The following PDS5B variants were observed in gnomAD, a reference collection of about 807,000 sequenced individuals.
The protein encoded by PDS5B is PDS5 cohesin associated factor B.
PDS5B carries 51 observed loss-of-function variants against 184.1 expected under a neutral mutation model. The ratio of observed to expected loss-of-function variants is 0.28; its 90% confidence interval spans 0.22 to 0.35. PDS5B has a LOEUF of 0.35. PDS5B is among the 10% of genes least tolerant of loss of function. PDS5B has a pLI of 1.00. For synonymous variants in PDS5B, 566 were observed against 569.2 expected (o/e 0.99, Z 0.08); for missense variants, 1,180 against 1,723.3 (o/e 0.68, Z 5.58).
At chr13:32,680,018 T>C (rs970526540) in intron 10 of PDS5B, among the ~76,000 whole-genome samples, 18 of 152,078 alleles carry the variant, frequency 1.2e-4, no homozygotes, top group Admixed American at 4.6e-4. Context: ...TCTCTGAGAG[T>C]GTCAATGGTA....
Position 32,775,223 on chromosome 13 carries a change from G to C in PDS5B, c.*171G>C. On this transcript the variant is annotated 3_prime_UTR_variant, in exon 35 of 35. Transcript: ENST00000315596. ...CATACATTTGTGGTCACATGCTTTA[G>C]CCATACACATGGTAACATTGACTAT... 1.6e-6 allele frequency: 1 copy of C among 608,296 alleles called. No individual in the cohort carries two copies. Among genetic ancestry groups the C allele is most frequent in the South Asian group, 2.1e-5 (1 of 48,288 alleles). The allele number at this position is 608,296 out of a possible 1,614,324, so 37.7% of individuals were successfully genotyped here.
chr13:32,699,653 G>A (rs1459154561), intron 15 of PDS5B, 77 bp from the exon 16 acceptor site: 2 of 775,566 alleles, frequency 2.6e-6, no homozygotes, highest in African/African-American at 3.7e-5. Flanking sequence ...GCAATAAAAG[G>A]AATGAAAAAT....
At position 32,770,315 on chromosome 13, in the gene PDS5B, T is replaced by C; in HGVS notation, c.3819T>C (p.Asp1273=). The C allele has an allele frequency of 3.7e-6, 6 of 1,613,306 alleles. No individual in the cohort carries two copies. Among genetic ancestry groups the C allele is most frequent in the Non-Finnish European group, 5.1e-6 (6 of 1,179,884 alleles). ...CTGAGGAAAAGAGGCTCAAAGAAGA[T>C]ATATTAGAAAATGAAGATGAACAGA... ...QWPEEKRLKE[D]ILENEDEQNS... Residue 1273 remains aspartate, a synonymous_variant, in exon 32 of 35, where the codon GAT becomes GAC. Coordinates refer to ENST00000315596, the MANE Select transcript of PDS5B (RefSeq NM_015032.4).
chr13:32,594,220 T>A (rs1240175178), intron 1 of PDS5B, among the ~76,000 whole-genome samples: 1 of 152,216 alleles, frequency 6.6e-6, no homozygotes, highest in Non-Finnish European at 1.5e-5. Context: ...ATGCTTAGGT[T>A]GGTGCCAAAA....
chr13:32,670,016 A>G (rs1950892465), intron 7 of PDS5B, among the ~76,000 whole-genome samples: 1 of 152,140 alleles, frequency 6.6e-6, no homozygotes, highest in Admixed American at 6.6e-5. Flanking sequence ...AACAGCTATT[A>G]TTTACTCATC....
intron 13 of PDS5B, among the ~76,000 whole-genome samples, chr13:32,692,741 T>C (rs540273534): frequency 6.6e-6 from 1 of 152,180 alleles, no homozygotes; most frequent in East Asian, 1.9e-4. Context: ...AATACTGCTT[T>C]TCCTAGTATA....
intron 1 of PDS5B, among the ~76,000 whole-genome samples, chr13:32,647,270 A>C (rs978585959): frequency 9.2e-5 from 14 of 151,884 alleles, no homozygotes; most frequent in Non-Finnish European, 1.6e-4. Flanking sequence ...ACTCCGGATA[A>C]TTTCTTATGA....
chr13:32,631,563 T>G (rs1384881340), intron 1 of PDS5B, among the ~76,000 whole-genome samples: 1 of 152,202 alleles, frequency 6.6e-6, no homozygotes, highest in East Asian at 1.9e-4. Flanking sequence ...TCAATAAATA[T>G]TTGTTGTTGA....
chr13:32,644,668 T>G (rs1227068147), intron 1 of PDS5B, among the ~76,000 whole-genome samples: 1 of 152,198 alleles, frequency 6.6e-6, no homozygotes, highest in East Asian at 1.9e-4. Flanking sequence ...TTATTTATGC[T>G]GTAGGGTGTT....
At chr13:32,774,411 A>G (rs1189704884) in intron 34 of PDS5B, among the ~76,000 whole-genome samples, 1 of 152,216 alleles carries the variant, frequency 6.6e-6, no homozygotes, top group Non-Finnish European at 1.5e-5. Context: ...GAGGACATCA[A>G]AGTAAGTCTG....
chr13:32,671,279 G>A (rs188389780), intron 7 of PDS5B, among the ~76,000 whole-genome samples: 13 of 152,060 alleles, frequency 8.5e-5, no homozygotes, highest in Non-Finnish European at 5.9e-5. Context: ...GTTTTTTTAT[G>A]GAATTTGTGA....
At position 32,764,593 on chromosome 13, in the gene PDS5B, G is replaced by C; in HGVS notation, c.3623G>C (p.Arg1208Thr). 2 of 1,535,360 alleles carry C rather than the reference G, an allele frequency of 1.3e-6. No homozygotes were observed. The highest frequency in any genetic ancestry group is 1.8e-6 in the Non-Finnish European group (2 of 1,120,728). The stretch of plus-strand genomic sequence containing the variant: ...AAGAGAGACGACTCTGATCTTGTAA[G>C]GGTGAGATATTTGCATTGATTTTAT... ...SDKRDDSDLV[R>T]SELEKPRGRK... Residue 1208 changes from arginine to threonine, a missense_variant and splice_region_variant, in exon 31 of 35, where the codon AGG (arginine) becomes ACG (threonine). Transcript: ENST00000315596.
chr13:32,600,699 A>G (rs1455983678), intron 1 of PDS5B, among the ~76,000 whole-genome samples: 1 of 152,230 alleles, frequency 6.6e-6, no homozygotes, highest in Non-Finnish European at 1.5e-5. Flanking sequence ...AGATCGTGCC[A>G]CTGCACTCCA....
At chr13:32,648,677 G>C (rs1950286864) in intron 1 of PDS5B, 77 bp from the exon 2 acceptor site, 1 of 647,104 alleles carries the variant, frequency 1.5e-6, no homozygotes, top group Admixed American at 2.6e-5. Context: ...TGGTTGGTGG[G>C]GAAGGTTACC....
intron 25 of PDS5B, 23 bp downstream of exon 25, chr13:32,753,559 A>G (rs1190488105): frequency 1.9e-6 from 3 of 1,541,168 alleles, no homozygotes; most frequent in Non-Finnish European, 2.7e-6. Context: ...GAAAATGGAA[A>G]GGATACTTTT....
intron 18 of PDS5B, 96 bp from the exon 19 acceptor site, chr13:32,709,850 G>A: frequency 1.4e-6 from 1 of 700,472 alleles, no homozygotes. Flanking sequence ...TTTTTTAATA[G>A]ACTTTGATTT....
chr13:32,691,745 A>G (rs566904934), intron 13 of PDS5B, among the ~76,000 whole-genome samples: 81 of 152,234 alleles, frequency 5.3e-4, no homozygotes, highest in African/African-American at 1.3e-3. Flanking sequence ...TGGAGTTTCT[A>G]TGTGCCTTTT....
chr13:32,676,216 T>C (rs764607850), intron 9 of PDS5B, among the ~76,000 whole-genome samples: 25 of 152,202 alleles, frequency 1.6e-4, no homozygotes, highest in Non-Finnish European at 3.5e-4. Context: ...GTTAATATTA[T>C]TACTTTAAGG....
At position 32,758,118 on chromosome 13, in the gene PDS5B, G is replaced by A; in HGVS notation, c.3088G>A (p.Ala1030Thr). 1 of 1,503,628 alleles carries A rather than the reference G, an allele frequency of 6.7e-7. No homozygotes were observed. Among genetic ancestry groups the A allele is most frequent in the Non-Finnish European group, 9.0e-7 (1 of 1,111,582 alleles). 93.1% of individuals were successfully genotyped at this position (1,503,628 alleles called of 1,614,324 possible). Residue 1030 changes from alanine to threonine, a missense_variant, in exon 27 of 35, where the codon GCT becomes ACT. By Grantham distance (58) the Ala-to-Thr change is moderately conservative. Around this residue, in one of 11 missense-constraint regions of PDS5B, gnomAD observed 57 missense variants for 80.9 expected, o/e 0.70. Transcript: ENST00000315596. Reference sequence around the variant, plus strand: ...TTGGTTTGTTCTGGAAATATTAATGGCTAAAAATGAAAATAACAGTCACGC... The same window carrying A: ...TTGGTTTGTTCTGGAAATATTAATGACTAAAAATGAAAATAACAGTCACGC... ...CLWFVLEILM[A>T]KNENNSHAFI... is the part of the protein sequence containing the mutation.
Sources: gnomAD v4.1 joint callset for allele counts (sites outside exome capture counted in the v4.1 genomes callset) on GRCh38, gnomAD v4.1.1 for gene constraint, gnomAD v4.1.1 regional missense constraint, MANE v1.5 for transcripts, NCBI Gene and HGNC (gene_info 2026-07-23, HGNC 2026-07-21) for gene names.